The following USP22 variants were observed in gnomAD, a reference collection of about 807,000 sequenced individuals.
The protein encoded by USP22 is ubiquitin specific peptidase 22, also known as ubiquitin carboxyl-terminal hydrolase 22.
USP22 carries 22 observed loss-of-function variants against 68.1 expected under a neutral mutation model. The ratio of observed to expected loss-of-function variants is 0.32; its 90% CI spans 0.23 to 0.46. The LOEUF is 0.46. USP22 is among the 20% of genes least tolerant of loss of function. USP22 has a pLI of 1.00. For missense variants in USP22, 433 were observed against 695.8 expected (o/e 0.62, Z 4.25); for synonymous variants, 279 against 274.2 (o/e 1.02, Z -0.17).
At chr17:21,030,317 A>C (rs542326875) in intron 1 of USP22, among the ~76,000 whole-genome samples, 2 of 152,110 alleles carry the variant, frequency 1.3e-5, no homozygotes, top group Admixed American at 6.5e-5. Flanking sequence ...TTTCCCCCAA[A>C]TATCTTTGAT....
chr17:21,030,489 A>G (rs1166475121), intron 1 of USP22, among the ~76,000 whole-genome samples: 1 of 152,206 alleles, frequency 6.6e-6, no homozygotes, highest in Non-Finnish European at 1.5e-5. Context: ...ACTTCAGTCA[A>G]TTAAACGGGA....
At chr17:21,012,808 GA>G (rs1567792092) in intron 7 of USP22, 21 bp downstream of exon 7, 3 of 1,607,498 alleles carry the variant, frequency 1.9e-6, no homozygotes, top group Non-Finnish European at 2.6e-6. Flanking sequence ...TGATATTGCC[GA>G]GCACGCAGCC....
intron 4 of USP22, 118 bp downstream of exon 4, chr17:21,018,966 A>C: frequency 1.9e-6 from 2 of 1,028,698 alleles, no homozygotes; most frequent in South Asian, 2.8e-5. Context: ...CACATTGATG[A>C]GTGACAGTTA....
At chr17:21,036,518 TA>T (rs1190910646) in intron 1 of USP22, among the ~76,000 whole-genome samples, 1 of 33,858 alleles carries the variant, frequency 3.0e-5, no homozygotes, top group Non-Finnish European at 5.5e-5. Context: ...CACTGTACTG[TA>T]AGGGGGGGGG....
intron 7 of USP22, among the ~76,000 whole-genome samples, chr17:21,012,328 T>C (rs1248772270): frequency 6.6e-6 from 1 of 151,992 alleles, no homozygotes; most frequent in East Asian, 1.9e-4. Flanking sequence ...TCCCCTGACC[T>C]AACAAAGCAA....
chr17:21,021,026 G>A, intron 3 of USP22, 87 bp downstream of exon 3: 4 of 1,079,988 alleles, frequency 3.7e-6, no homozygotes, highest in Non-Finnish European at 5.6e-6. Context: ...TTCCCACCTA[G>A]GTACTTCTCT....
At chr17:21,007,547 T>C (rs1225257391) in intron 9 of USP22, among the ~76,000 whole-genome samples, 2 of 152,186 alleles carry the variant, frequency 1.3e-5, no homozygotes. Context: ...CTGAGGGCCT[T>C]TGTCTTAAAA....
At position 21,002,960 on chromosome 17, in the gene USP22, G is replaced by C. The variant is rs893832398; in HGVS notation, c.*71C>G. 19 of 1,514,408 alleles carry C rather than the reference G, an allele frequency of 1.3e-5. No homozygotes were observed. The African/African-American group carries it at 1.4e-4, about 11-fold the overall frequency. The allele number at this position is 1,514,408 out of a possible 1,614,324, so 93.8% of individuals were successfully genotyped here. On this transcript the variant is annotated 3_prime_UTR_variant, in exon 13 of 13. Transcript: ENST00000261497. ...CGGCGGGAGACTTGGGGGAGGGGGG[G>C]GCCAGGGAGGATCACTTTGTGAGGC...
At chr17:21,039,080 T>C (rs1215631157) in intron 1 of USP22, among the ~76,000 whole-genome samples, 1 of 151,852 alleles carries the variant, frequency 6.6e-6, no homozygotes, top group East Asian at 2.0e-4. Flanking sequence ...GCCTCACGAG[T>C]AGCTGGGATT....
intron 2 of USP22, among the ~76,000 whole-genome samples, chr17:21,027,047 G>A (rs899950904): frequency 6.6e-6 from 1 of 151,584 alleles, no homozygotes; most frequent in African/African-American, 2.4e-5. Context: ...GCCCACCTTG[G>A]TCTCCCACAG....
chr17:21,042,877 G>T lies in USP22; in HGVS notation c.-42C>A. Reference sequence around the variant, plus strand: ...CCGCGCGCGGGGGGCGGCGGCGAGGGAGGCGAGGACGACGCCAGCGCGGCG... The same window carrying T: ...CCGCGCGCGGGGGGCGGCGGCGAGGTAGGCGAGGACGACGCCAGCGCGGCG... On this transcript the variant is annotated 5_prime_UTR_variant, in exon 1 of 13. Transcript: ENST00000261497. The T allele has an allele frequency of 8.2e-7, 1 of 1,219,470 alleles. No homozygotes were observed. The highest frequency in any genetic ancestry group is 1.0e-6 in the Non-Finnish European group (1 of 974,784). 75.5% of individuals were successfully genotyped at this position (1,219,470 alleles called of 1,614,324 possible). A position where few individuals can be genotyped will look rare whatever the true frequency, so the allele number is the denominator to read the frequency against.
Position 21,042,948 on chromosome 17 carries a change from C to A in USP22, c.-113G>T, listed in dbSNP as rs893669154. On this transcript the variant is annotated 5_prime_UTR_variant, in exon 1 of 13. Transcript: ENST00000261497. Reference sequence around the variant, plus strand: ...GCCAGGCTGGCCAAGGCCCGGGCGCCGAGAACAAAGCGCGGAGGCCGGACA... The same window carrying A: ...GCCAGGCTGGCCAAGGCCCGGGCGCAGAGAACAAAGCGCGGAGGCCGGACA... 5 of 665,828 alleles carry A rather than the reference C, an allele frequency of 7.5e-6. No homozygotes were observed. The Admixed American group carries it at 1.9e-4, about 25-fold the overall frequency. The allele number at this position is 665,828 out of a possible 1,614,324, so 41.2% of individuals were successfully genotyped here. A position where few individuals can be genotyped will look rare whatever the true frequency, so the allele number is the denominator to read the frequency against.
intron 1 of USP22, among the ~76,000 whole-genome samples, chr17:21,039,174 A>T (rs1597703185): frequency 6.6e-6 from 1 of 151,354 alleles, no homozygotes. Flanking sequence ...GATGGTCTCG[A>T]TCTCCTGACC....
chr17:21,022,752 T>G (rs1972171643), intron 2 of USP22, among the ~76,000 whole-genome samples: 1 of 147,458 alleles, frequency 6.8e-6, no homozygotes, highest in African/African-American at 2.5e-5. Context: ...TGAGCTGAGA[T>G]CTCACCACTG....
chr17:21,032,159 T>C (rs574312699), intron 1 of USP22, among the ~76,000 whole-genome samples: 2 of 128,812 alleles, frequency 1.6e-5, no homozygotes, highest in East Asian at 3.9e-4. Flanking sequence ...GTACGGTACG[T>C]GCTGTACAGG....
rs191915934 is a variant in USP22, at chr17:21,002,620, T to C, written c.*411A>G. On this transcript the variant is annotated 3_prime_UTR_variant, in exon 13 of 13. Coordinates refer to ENST00000261497, the MANE Select transcript of USP22 (RefSeq NM_015276.2). Reference sequence around the variant, plus strand: ...CCCTCTGTCCCGCACACTACACCTCTGTGTCCAGCTTACTGCTTTCATGGA... The same window carrying C: ...CCCTCTGTCCCGCACACTACACCTCCGTGTCCAGCTTACTGCTTTCATGGA... 3 of 251,644 alleles carry C rather than the reference T, an allele frequency of 1.2e-5. No homozygotes were observed. The highest frequency in any genetic ancestry group is 2.2e-5 in the African/African-American group (1 of 44,842). The allele number at this position is 251,644 out of a possible 1,614,324, so 15.6% of individuals were successfully genotyped here. A position where few individuals can be genotyped will look rare whatever the true frequency, so the allele number is the denominator to read the frequency against.
intron 6 of USP22, 66 bp from the exon 7 acceptor site, chr17:21,013,001 C>T: frequency 6.6e-7 from 1 of 1,510,244 alleles, no homozygotes; most frequent in Non-Finnish European, 9.2e-7. Flanking sequence ...AAGGGAAGAG[C>T]AGTTCACCCT....
intron 1 of USP22, among the ~76,000 whole-genome samples, chr17:21,036,030 C>CAAAAAAAAAAAAAAAAAAA (rs35324126): frequency 1.7e-5 from 1 of 59,638 alleles, no homozygotes; most frequent in African/African-American, 8.9e-5. Context: ...GACTCCGTCT[C>CAAAAAAAAAAAAAAAAAAA]AAAAAAAAAA....
chr17:21,021,272 C>G, intron 2 of USP22, 46 bp from the exon 3 acceptor site: 2 of 1,354,350 alleles, frequency 1.5e-6, no homozygotes, highest in Non-Finnish European at 2.1e-6. Context: ...AATTAAAAAC[C>G]ACAATGGAAG....
Sources: allele counts gnomAD v4.1 joint callset (sites outside exome capture counted in the v4.1 genomes callset), GRCh38; gene constraint gnomAD v4.1.1; transcripts MANE v1.5; gene names NCBI Gene and HGNC (gene_info 2026-07-23, HGNC 2026-07-21).